DLGAP1: variants seen among roughly 807,000 people sequenced by gnomAD.
DLGAP1 encodes the protein disks large-associated protein 1.
In DLGAP1, 11 loss-of-function variants were observed where a neutral mutation model predicts 90.8. The ratio of observed to expected loss-of-function variants is 0.12; its 90% confidence interval spans 0.08 to 0.20. The LOEUF (loss-of-function observed/expected upper bound fraction) is 0.20. Ranked by LOEUF, DLGAP1 falls within the 10% of genes least tolerant of loss-of-function variation. The pLI is 1.00. For synonymous variants in DLGAP1, 558 were observed against 540.7 expected (o/e 1.03, Z -0.44); for missense variants, 1,050 against 1,333.8 (o/e 0.79, Z 3.31).
chr18:3,631,050 G>T (rs1400494432), intron 7 of DLGAP1, among the ~76,000 whole-genome samples: 2 of 151,588 alleles, frequency 1.3e-5, no homozygotes, highest in African/African-American at 2.4e-5. Flanking sequence ...GTGCAATTTC[G>T]GCTCATTGCA....
intron 4 of DLGAP1, among the ~76,000 whole-genome samples, chr18:3,870,324 A>T (rs1055577999): frequency 6.6e-6 from 1 of 152,218 alleles, no homozygotes; most frequent in African/African-American, 2.4e-5. Context: ...ACAGGCATAC[A>T]TGTGATATTA....
intron 1 of DLGAP1, among the ~76,000 whole-genome samples, chr18:4,220,293 C>T (rs2078048419): frequency 1.3e-5 from 2 of 151,868 alleles, no homozygotes; most frequent in South Asian, 2.1e-4. Flanking sequence ...TCTCTCTTTC[C>T]TTCTTTTTCC....
chr18:4,453,944 T>G (rs565036093), intron 1 of DLGAP1, among the ~76,000 whole-genome samples: 2 of 152,190 alleles, frequency 1.3e-5, no homozygotes, highest in South Asian at 4.2e-4. Context: ...CCTCCGCACA[T>G]CCTCCCCTTC....
chr18:4,372,367 C>T (rs547408984), intron 1 of DLGAP1, among the ~76,000 whole-genome samples: 10 of 152,284 alleles, frequency 6.6e-5, no homozygotes, highest in African/African-American at 2.4e-4. Flanking sequence ...TGGACAGCCA[C>T]GATATGGCCT....
intron 1 of DLGAP1, among the ~76,000 whole-genome samples, chr18:4,318,256 A>T (rs2080583907): frequency 6.6e-6 from 1 of 152,214 alleles, no homozygotes; most frequent in South Asian, 2.1e-4. Flanking sequence ...TCACTAAAAC[A>T]TTCCTCTGTG....
chr18:3,496,565 A>G lies in DLGAP1; in HGVS notation c.*2620T>C, dbSNP rs2049702493. 6.6e-6 allele frequency: 1 copy of G among 152,076 alleles called. No homozygotes were observed. Among genetic ancestry groups the G allele is most frequent in the Admixed American group, 6.5e-5 (1 of 15,274 alleles). The allele number at this position is 152,076 out of a possible 1,614,324, so 9.4% of individuals were successfully genotyped here. On this transcript the variant is annotated 3_prime_UTR_variant, in exon 13 of 13. Coordinates refer to ENST00000315677, the MANE Select transcript of DLGAP1 (RefSeq NM_004746.4). ...GAACGTTTTTTGATGTGGGAGACAA[A>G]CTTCTTTTGTAATCCCCCCCTCCCC...
At chr18:4,320,423 T>C (rs1353384543) in intron 1 of DLGAP1, among the ~76,000 whole-genome samples, 1 of 152,194 alleles carries the variant, frequency 6.6e-6, no homozygotes, top group Non-Finnish European at 1.5e-5. Context: ...TATTCTGTCA[T>C]TGTCTCATGA....
chr18:3,735,668 A>C (rs1337045849), intron 6 of DLGAP1, among the ~76,000 whole-genome samples: 1 of 152,246 alleles, frequency 6.6e-6, no homozygotes, highest in African/African-American at 2.4e-5. Context: ...AAATTAAAAA[A>C]TGATCTTTCT....
chr18:4,265,255 A>G (rs1330666494), intron 1 of DLGAP1, among the ~76,000 whole-genome samples: 1 of 149,836 alleles, frequency 6.7e-6, no homozygotes, highest in Admixed American at 6.6e-5. Flanking sequence ...TGCAAGCTTC[A>G]CCTCCCAGGT....
intron 1 of DLGAP1, among the ~76,000 whole-genome samples, chr18:4,281,933 T>TA (rs2079561312): frequency 6.6e-6 from 1 of 152,182 alleles, no homozygotes; most frequent in South Asian, 2.1e-4. Context: ...GTAAGAAGGG[T>TA]AGTCTATAAT....
At chr18:4,112,644 T>C (rs1254169035) in intron 2 of DLGAP1, among the ~76,000 whole-genome samples, 1 of 152,176 alleles carries the variant, frequency 6.6e-6, no homozygotes, top group Non-Finnish European at 1.5e-5. Context: ...ATTTAGGGTA[T>C]ACATGTGCAG....
chr18:3,920,543 A>G (rs2072247523), intron 3 of DLGAP1, among the ~76,000 whole-genome samples: 1 of 152,032 alleles, frequency 6.6e-6, no homozygotes, highest in Non-Finnish European at 1.5e-5. Context: ...CAGTACGTCT[A>G]TCTTCACATT....
At chr18:3,562,509 G>T (rs1232950383) in intron 9 of DLGAP1, among the ~76,000 whole-genome samples, 2 of 150,710 alleles carry the variant, frequency 1.3e-5, no homozygotes, top group African/African-American at 4.9e-5. Flanking sequence ...TTAAAAATGG[G>T]AATTTCCCTG....
intron 2 of DLGAP1, among the ~76,000 whole-genome samples, chr18:4,142,531 T>A (rs1299379669): frequency 1.3e-5 from 2 of 152,242 alleles, no homozygotes; most frequent in African/African-American, 4.8e-5. Flanking sequence ...TAGATTTTAG[T>A]ATCTTACAGA....
chr18:3,654,541 T>A (rs1567905861), intron 7 of DLGAP1, among the ~76,000 whole-genome samples: 1 of 152,226 alleles, frequency 6.6e-6, no homozygotes, highest in Non-Finnish European at 1.5e-5. Flanking sequence ...AAGCCATTCC[T>A]TGATAAAACA....
intron 7 of DLGAP1, among the ~76,000 whole-genome samples, chr18:3,609,736 A>G (rs893382347): frequency 6.6e-6 from 1 of 151,788 alleles, no homozygotes; most frequent in African/African-American, 2.4e-5. Flanking sequence ...TTCCTAGATT[A>G]TGTGATGCAA....
rs541957447 is a variant in DLGAP1, at chr18:3,651,760, G to T, written c.1592-69512C>A. On this transcript the variant is annotated intron_variant, in intron 7 of 12. Coordinates refer to ENST00000315677, the MANE Select transcript of DLGAP1 (RefSeq NM_004746.4). Reference sequence around the variant, plus strand: ...GGCCGAGGTGGGTGGATCTCTTGAGGTCAGGAGTTCGAGACCAGCCTGGCT... The same window carrying T: ...GGCCGAGGTGGGTGGATCTCTTGAGTTCAGGAGTTCGAGACCAGCCTGGCT... Among the ~76,000 whole-genome samples, 10 of 152,260 alleles carry T rather than the reference G, an allele frequency of 6.6e-5. No individual in the cohort carries two copies. The South Asian group carries it at 2.1e-3, about 32-fold the overall frequency.
In DLGAP1 at chr18:3,577,306, T is replaced by C. The variant is rs549468268; in HGVS notation, c.1965+4569A>G. Reference sequence around the variant, plus strand: ...TCCTAAACTTCTGGTAACCCCACCTTTTCCTTCTTGTTCCTTTTATTGCTC... The same window carrying C: ...TCCTAAACTTCTGGTAACCCCACCTCTTCCTTCTTGTTCCTTTTATTGCTC... On this transcript the variant is annotated intron_variant, in intron 8 of 12. Transcript: ENST00000315677. Among the ~76,000 whole-genome samples, 27 of 152,294 alleles carry C rather than the reference T, an allele frequency of 1.8e-4. No homozygotes were observed. The South Asian group carries it at 5.2e-3, about 29-fold the overall frequency.
At chr18:4,054,346 C>T (rs915219446) in intron 2 of DLGAP1, among the ~76,000 whole-genome samples, 2 of 152,168 alleles carry the variant, frequency 1.3e-5, no homozygotes, top group Non-Finnish European at 2.9e-5. Flanking sequence ...TGAAATCCTT[C>T]TCAGCATGGC....
Sources: allele counts gnomAD v4.1 joint callset (sites outside exome capture counted in the v4.1 genomes callset), GRCh38; gene constraint gnomAD v4.1.1; transcripts MANE v1.5; gene names NCBI Gene and HGNC (gene_info 2026-07-23, HGNC 2026-07-21).